The following ENTREP2 variants were observed in gnomAD, a reference collection of about 807,000 sequenced individuals.
The protein encoded by ENTREP2 is protein ENTREP2.
At chr15:29,420,510 C>T in the ENTREP2 span, among the ~76,000 whole-genome samples, 1 of 152,062 alleles carries the variant, frequency 6.6e-6, no homozygotes, top group East Asian at 1.9e-4. Context: ...GGCCAGCTCA[C>T]CGGGTATGCA....
chr15:29,625,233 C>T, the ENTREP2 span, among the ~76,000 whole-genome samples: 2 of 152,110 alleles, frequency 1.3e-5, no homozygotes, highest in African/African-American at 4.8e-5. Flanking sequence ...GTAATATTTT[C>T]TTTTATGGAT....
chr15:29,507,364 C>A, the ENTREP2 span, among the ~76,000 whole-genome samples: 5 of 152,148 alleles, frequency 3.3e-5, no homozygotes, highest in African/African-American at 7.2e-5. Flanking sequence ...AGAAAATTAA[C>A]AAGGATATTC....
the ENTREP2 span, among the ~76,000 whole-genome samples, chr15:29,445,464 C>T: frequency 2.4e-3 from 367 of 152,174 alleles, 5 homozygotes; most frequent in Middle Eastern, 0.01. Flanking sequence ...AGTTAATCAC[C>T]CAACAACCAA....
At chr15:29,199,283 A>T in the ENTREP2 span, among the ~76,000 whole-genome samples, 1 of 152,212 alleles carries the variant, frequency 6.6e-6, no homozygotes, top group African/African-American at 2.4e-5. Context: ...TAGATAAGAA[A>T]GTACTGGAAG....
the ENTREP2 span, among the ~76,000 whole-genome samples, chr15:29,655,545 A>G: frequency 2.0e-5 from 3 of 152,232 alleles, no homozygotes; most frequent in African/African-American, 7.2e-5. Context: ...GAGAGCAATC[A>G]AGAGAGCCAG....
chr15:29,144,437 T>C, the ENTREP2 span, among the ~76,000 whole-genome samples: 1 of 152,070 alleles, frequency 6.6e-6, no homozygotes. Context: ...CTATCAAATA[T>C]TTAAAGAAGG....
At chr15:29,568,133 A>G in the ENTREP2 span, among the ~76,000 whole-genome samples, 3 of 152,262 alleles carry the variant, frequency 2.0e-5, no homozygotes, top group African/African-American at 7.2e-5. Flanking sequence ...AGTGTTGTAG[A>G]CAACAGATGA....
the ENTREP2 span, among the ~76,000 whole-genome samples, chr15:29,356,505 C>T: frequency 6.6e-6 from 1 of 151,152 alleles, no homozygotes; most frequent in African/African-American, 2.4e-5. Context: ...CGGGGTTTCA[C>T]TGTGTTAGCC....
the ENTREP2 span, among the ~76,000 whole-genome samples, chr15:29,331,146 T>G: frequency 2.6e-5 from 4 of 152,242 alleles, no homozygotes; most frequent in African/African-American, 9.6e-5. Flanking sequence ...TAATGTTTGC[T>G]TGGTGTAAAA....
At chr15:29,464,404 T>C in the ENTREP2 span, among the ~76,000 whole-genome samples, 1 of 152,136 alleles carries the variant, frequency 6.6e-6, no homozygotes. Flanking sequence ...CTCTGTTATA[T>C]ACTAGACAGA....
chr15:29,243,777 AC>A, the ENTREP2 span, among the ~76,000 whole-genome samples: 1 of 152,260 alleles, frequency 6.6e-6, no homozygotes, highest in Non-Finnish European at 1.5e-5. Context: ...AAAGACATTA[AC>A]AAAAATGATC....
At chr15:29,151,638 G>A in the ENTREP2 span, 17 of 962,476 alleles carry the variant, frequency 1.8e-5, no homozygotes, top group African/African-American at 1.8e-4. Context: ...GGACTGTCAG[G>A]GGCCGCTGTC....
chr15:29,160,887 T>G, the ENTREP2 span, among the ~76,000 whole-genome samples: 313 of 152,128 alleles, frequency 2.1e-3, 3 homozygotes, highest in Non-Finnish European at 3.1e-3. Context: ...CAAGATATAA[T>G]GATAGAAGGT....
At chr15:29,160,452 C>T in the ENTREP2 span, among the ~76,000 whole-genome samples, 4 of 152,080 alleles carry the variant, frequency 2.6e-5, no homozygotes, top group South Asian at 2.1e-4. Context: ...TAGCTCACAC[C>T]TGTAATCTCA....
chr15:29,128,886 G>A, the ENTREP2 span: 72 of 1,536,558 alleles, frequency 4.7e-5, no homozygotes, highest in Non-Finnish European at 5.5e-5. Flanking sequence ...AACAGAAAGC[G>A]TCAAGGCGGC....
At chr15:29,302,596 G>A in the ENTREP2 span, among the ~76,000 whole-genome samples, 3 of 152,072 alleles carry the variant, frequency 2.0e-5, no homozygotes, top group East Asian at 5.8e-4. Context: ...CTTCAAAATG[G>A]GCATATTTAT....
chr15:29,350,729 G>A, the ENTREP2 span, among the ~76,000 whole-genome samples: 1 of 152,104 alleles, frequency 6.6e-6, no homozygotes, highest in Non-Finnish European at 1.5e-5. Context: ...GATTACCTGA[G>A]GTCAGGAGTT....
At chr15:29,356,283 TA>T in the ENTREP2 span, among the ~76,000 whole-genome samples, 66 of 53,856 alleles carry the variant, frequency 1.2e-3, no homozygotes, top group African/African-American at 5.6e-3. Context: ...TATATATATA[TA>T]TATATATATA....
the ENTREP2 span, among the ~76,000 whole-genome samples, chr15:29,323,993 C>T: frequency 1.3e-5 from 2 of 151,968 alleles, no homozygotes; most frequent in East Asian, 1.9e-4. Flanking sequence ...AATTGATATG[C>T]TAAAAGAGGA....
Sources: allele counts gnomAD v4.1 joint callset (sites outside exome capture counted in the v4.1 genomes callset), GRCh38; gene constraint gnomAD v4.1.1; transcripts MANE v1.5; gene names NCBI Gene and HGNC (gene_info 2026-07-23, HGNC 2026-07-21).